GRIP1: variants seen among roughly 807,000 people sequenced by gnomAD.
The protein encoded by GRIP1 is glutamate receptor-interacting protein 1.
A neutral mutation model predicts 129.9 loss-of-function variants in GRIP1; 45 were observed. The observed-to-expected ratio is 0.35, with a 90% CI of 0.27 to 0.44. GRIP1 has a LOEUF of 0.44. Among genes scored for constraint, GRIP1 ranks in the 20% least tolerant of loss-of-function variants. The pLI, the probability that GRIP1 is intolerant of heterozygous loss-of-function variation, is 1.00. For missense variants in GRIP1, 1,196 were observed against 1,396.8 expected (o/e 0.86, Z 2.29); for synonymous variants, 530 against 520.8 (o/e 1.02, Z -0.24).
At chr12:66,743,632 C>T (rs893440705) in intron 1 of GRIP1, among the ~76,000 whole-genome samples, 1 of 151,724 alleles carries the variant, frequency 6.6e-6, no homozygotes, top group Non-Finnish European at 1.5e-5. Context: ...TCAACCTTTA[C>T]CAGGATCCTG....
At chr12:66,473,574 A>G (rs1323697026) in intron 7 of GRIP1, among the ~76,000 whole-genome samples, 2 of 152,196 alleles carry the variant, frequency 1.3e-5, no homozygotes, top group African/African-American at 4.8e-5. Flanking sequence ...CACCTCTTAC[A>G]GGAGAGCTCC....
At position 66,783,390 on chromosome 12, in the gene GRIP1, T is replaced by C. The variant is rs538307251; in HGVS notation, c.-420+20663A>G. 8.5e-5 allele frequency among the ~76,000 whole-genome samples: 13 copies of C among 152,296 alleles called. No individual in the cohort carries two copies. The South Asian group carries it at 2.7e-3, about 32-fold the overall frequency. On this transcript the variant is annotated intron_variant, in intron 1 of 4. Coordinates refer to the GRIP1 transcript ENST00000538373. The stretch of plus-strand genomic sequence containing the variant: ...GGAAAAAAAGTGCATAGTTTGTTTC[T>C]GTGTCACAGTCCAGTTCTCATTTAT...
At chr12:66,572,097 A>G (rs1327416584) in intron 2 of GRIP1, among the ~76,000 whole-genome samples, 1 of 152,230 alleles carries the variant, frequency 6.6e-6, no homozygotes, top group Non-Finnish European at 1.5e-5. Flanking sequence ...GTCCTCTTCC[A>G]GGGCTGGGGT....
chr12:67,069,238 G>A (rs1035896912), upstream of GRIP1: 4 of 372,522 alleles, frequency 1.1e-5, no homozygotes, highest in African/African-American at 6.6e-5. Context: ...CTGGGGCGCC[G>A]AGGCGGCTCC....
chr12:66,473,099 T>G (rs1270811477), intron 7 of GRIP1, among the ~76,000 whole-genome samples: 2 of 152,146 alleles, frequency 1.3e-5, no homozygotes, highest in South Asian at 2.1e-4. Flanking sequence ...ACTGCCAGCA[T>G]AGCAGTCTAG....
chr12:67,061,785 C>T (rs2043539695), intron 1 of GRIP1, among the ~76,000 whole-genome samples: 1 of 152,112 alleles, frequency 6.6e-6, no homozygotes, highest in Non-Finnish European at 1.5e-5. Flanking sequence ...GTCTGGTAGT[C>T]CATCACTTTG....
At position 66,377,227 on chromosome 12, in the gene GRIP1, C is replaced by T; in HGVS notation, c.2680G>A (p.Ala894Thr). 1 of 1,614,106 alleles carries T rather than the reference C, an allele frequency of 6.2e-7. No homozygotes were observed. The highest frequency in any genetic ancestry group is 8.5e-7 in the Non-Finnish European group (1 of 1,179,936). Reference protein sequence around the residue: ...TEQEENFWSQALEDLETCGQS... With the variant: ...TEQEENFWSQTLEDLETCGQS... ...CCGCAGGTTTCCAAATCCTCCAGCG[C>T]TTGAGACCAGAAGTTCTCCTCTTGT... is the stretch of plus-strand genomic sequence containing the variant. Residue 894 changes from alanine to threonine, a missense_variant, in exon 21 of 25, where the codon GCG (alanine) becomes ACG (threonine). Coordinates refer to ENST00000359742, the MANE Select transcript of GRIP1 (RefSeq NM_001366722.1).
At chr12:66,536,311 A>G (rs957514674) in intron 4 of GRIP1, among the ~76,000 whole-genome samples, 1 of 152,094 alleles carries the variant, frequency 6.6e-6, no homozygotes, top group Admixed American at 6.6e-5. Flanking sequence ...CTCTGCCCCA[A>G]ACCATATAGT....
At chr12:66,668,908 C>T (rs189860075) in intron 1 of GRIP1, among the ~76,000 whole-genome samples, 1,649 of 152,144 alleles carry the variant, frequency 0.011, 107 homozygotes, top group Admixed American at 0.1. Flanking sequence ...CAAGATTGCA[C>T]CACTGCACTC....
intron 20 of GRIP1, 112 bp from the exon 21 acceptor site, chr12:66,377,397 G>C (rs1302990876): frequency 4.0e-6 from 3 of 756,178 alleles, no homozygotes; most frequent in East Asian, 5.2e-5. Context: ...GCGCAATCTC[G>C]GCTCACTGCA....
At chr12:66,726,517 A>C (rs1490953292) in intron 1 of GRIP1, among the ~76,000 whole-genome samples, 2 of 152,130 alleles carry the variant, frequency 1.3e-5, no homozygotes, top group African/African-American at 2.4e-5. Flanking sequence ...ACAAAAAACA[A>C]ACAACTTTAA....
chr12:66,787,432 A>G (rs752689659), intron 1 of GRIP1, among the ~76,000 whole-genome samples: 4 of 152,142 alleles, frequency 2.6e-5, no homozygotes, highest in Non-Finnish European at 4.4e-5. Flanking sequence ...CTTTAAGTCC[A>G]CCAGTGCTAT....
At chr12:66,774,581 C>T (rs1008183248) in intron 1 of GRIP1, among the ~76,000 whole-genome samples, 1 of 152,088 alleles carries the variant, frequency 6.6e-6, no homozygotes, top group African/African-American at 2.4e-5. Flanking sequence ...AACTTTGGAG[C>T]CTTTGATGTA....
intron 7 of GRIP1, among the ~76,000 whole-genome samples, chr12:66,506,921 A>G (rs1225814580): frequency 6.6e-6 from 1 of 152,156 alleles, no homozygotes; most frequent in East Asian, 1.9e-4. Context: ...AGAAAATCCA[A>G]TTTTTATCTT....
At chr12:66,845,266 G>A (rs1020848591) in intron 1 of GRIP1, among the ~76,000 whole-genome samples, 4 of 152,122 alleles carry the variant, frequency 2.6e-5, no homozygotes, top group African/African-American at 9.7e-5. Flanking sequence ...AGACCAGCCT[G>A]GCCAACATGG....
intron 2 of GRIP1, among the ~76,000 whole-genome samples, chr12:66,559,375 G>A (rs566532911): frequency 4.3e-4 from 65 of 152,176 alleles, no homozygotes; most frequent in African/African-American, 1.4e-3. Context: ...ATCCAAATCG[G>A]AAAGGAAGAA....
At chr12:66,714,886 CCCATCCATCCATCCAT>C (rs71069016) in intron 1 of GRIP1, among the ~76,000 whole-genome samples, 79 of 147,806 alleles carry the variant, frequency 5.3e-4, no homozygotes, top group African/African-American at 1.8e-3. Flanking sequence ...ATTCAATCCA[CCCATCCATCCATCCAT>C]CCATCCATCC....
chr12:66,560,555 G>A (rs1488051997), intron 2 of GRIP1, among the ~76,000 whole-genome samples: 1 of 151,934 alleles, frequency 6.6e-6, no homozygotes, highest in Non-Finnish European at 1.5e-5. Context: ...AGAGACAAAT[G>A]GCAAACAGGT....
chr12:66,446,286 C>T (rs1268489696), intron 11 of GRIP1, among the ~76,000 whole-genome samples: 1 of 152,126 alleles, frequency 6.6e-6, no homozygotes, highest in African/African-American at 2.4e-5. Flanking sequence ...GAAAGGGCTG[C>T]TCCACTCCTC....
Sources: gnomAD v4.1 joint callset for allele counts (sites outside exome capture counted in the v4.1 genomes callset) on GRCh38, gnomAD v4.1.1 for gene constraint, MANE v1.5 for transcripts, NCBI Gene and HGNC (gene_info 2026-07-23, HGNC 2026-07-21) for gene names.